Variants in SHANK2 observed in about 807,000 individuals in gnomAD.
SHANK2 encodes the protein SH3 and multiple ankyrin repeat domains 2.
A neutral mutation model predicts 133.7 loss-of-function variants in SHANK2; 43 were observed. The observed-to-expected ratio is 0.32, with a 90% CI of 0.25 to 0.41. The LOEUF is 0.41. Ranked by LOEUF, SHANK2 falls within the 10% of genes least tolerant of loss-of-function variation. The probability of loss-of-function intolerance (pLI) is 1.00; values close to 1 mark genes in which losing one functional copy is unlikely to be tolerated. For synonymous variants in SHANK2, 1,017 were observed against 952.8 expected, an observed-to-expected ratio of 1.07 and a Z score of -1.24; for missense variants, 1,994 against 2,235.8, an observed-to-expected ratio of 0.89 and a Z score of 2.18.
chr11:70,575,901 C>T (rs1476076308), intron 17 of SHANK2, among the ~76,000 whole-genome samples: 2 of 151,914 alleles, frequency 1.3e-5, no homozygotes, highest in East Asian at 1.9e-4. Flanking sequence ...GGTTTTAATT[C>T]CTTACGGCAG....
intron 3 of SHANK2, among the ~76,000 whole-genome samples, chr11:71,141,605 T>C (rs1952555706): frequency 6.6e-6 from 1 of 152,140 alleles, no homozygotes; most frequent in African/African-American, 2.4e-5. Flanking sequence ...TGTGAGTCTA[T>C]TAAACCTGTT....
chr11:70,779,783 C>A (rs931456995), intron 14 of SHANK2, among the ~76,000 whole-genome samples: 1 of 152,210 alleles, frequency 6.6e-6, no homozygotes, highest in Non-Finnish European at 1.5e-5. Flanking sequence ...AGAGGTCCTG[C>A]CTGCCACCCC....
chr11:70,742,134 C>A (rs1231819624), intron 14 of SHANK2, among the ~76,000 whole-genome samples: 1 of 152,198 alleles, frequency 6.6e-6, no homozygotes, highest in Non-Finnish European at 1.5e-5. Flanking sequence ...ACTTCCAAAC[C>A]CTGGAGGCCA....
intron 13 of SHANK2, among the ~76,000 whole-genome samples, chr11:70,801,787 TGA>T (rs1948052480): frequency 6.6e-6 from 1 of 152,110 alleles, no homozygotes; most frequent in African/African-American, 2.4e-5. Flanking sequence ...GGGTGAATTC[TGA>T]GAGTGAATTC....
At chr11:70,906,011 C>T (rs1228827007) in intron 10 of SHANK2, among the ~76,000 whole-genome samples, 2 of 152,100 alleles carry the variant, frequency 1.3e-5, no homozygotes, top group Non-Finnish European at 2.9e-5. Context: ...CAGGGTTTCA[C>T]CATGCTGGCC....
intron 14 of SHANK2, among the ~76,000 whole-genome samples, chr11:70,726,626 G>A (rs1946186584): frequency 6.6e-6 from 1 of 152,198 alleles, no homozygotes; most frequent in Admixed American, 6.5e-5. Flanking sequence ...ATTTGGGAAG[G>A]CAGGTGGGGG....
At chr11:70,852,634 G>C (rs1359867182) in intron 11 of SHANK2, among the ~76,000 whole-genome samples, 3 of 152,232 alleles carry the variant, frequency 2.0e-5, no homozygotes, top group African/African-American at 7.2e-5. Flanking sequence ...CACGAGGTCA[G>C]GAGTTCGAGA....
At chr11:70,645,159 C>T (rs528434384) in intron 17 of SHANK2, among the ~76,000 whole-genome samples, 8 of 152,132 alleles carry the variant, frequency 5.3e-5, no homozygotes, top group East Asian at 1.9e-4. Flanking sequence ...TGCAGTGGGC[C>T]GAGATCACGC....
intron 17 of SHANK2, among the ~76,000 whole-genome samples, chr11:70,560,879 G>A (rs946950322): frequency 2.0e-5 from 3 of 151,932 alleles, no homozygotes; most frequent in East Asian, 1.9e-4. Context: ...CGCCTGCCTC[G>A]GCCTCCCAAA....
intron 21 of SHANK2, among the ~76,000 whole-genome samples, 184 bp from the exon 22 acceptor site, chr11:70,492,649 C>T (rs946078168): frequency 8.5e-5 from 13 of 152,204 alleles, no homozygotes; most frequent in Non-Finnish European, 1.5e-5. Flanking sequence ...TGGGCTCCTT[C>T]CCAGGACCTT....
chr11:70,544,356 C>A (rs1000999211), intron 17 of SHANK2, among the ~76,000 whole-genome samples: 1 of 152,348 alleles, frequency 6.6e-6, no homozygotes, highest in African/African-American at 2.4e-5. Flanking sequence ...TGGAGCCCCA[C>A]GCGTAGGACC....
rs76352781 is a variant in SHANK2, at chr11:70,804,980, C to G, written c.1663+2022G>C. Among the ~76,000 whole-genome samples, 1,387 of 152,296 alleles carry G rather than the reference C, an allele frequency of 9.1e-3. 14 individuals carry two copies. Among genetic ancestry groups the G allele is most frequent in the African/African-American group, 0.031 (1,295 of 41,568 alleles). On this transcript the variant is annotated intron_variant, in intron 13 of 25. Coordinates refer to ENST00000601538, the MANE Select transcript of SHANK2 (RefSeq NM_012309.5). The surrounding 1 kb of genome is among the most constrained non-coding windows in gnomAD (Gnocchi z 4.1). ...GGGCCTCTGCTCTATGTCTAAGGGACTGGGGACATGTGCCAAGTTCACAGC... is the reference window on the plus strand; with the variant it reads ...GGGCCTCTGCTCTATGTCTAAGGGAGTGGGGACATGTGCCAAGTTCACAGC...
chr11:70,684,632 C>G (rs1165046540), intron 15 of SHANK2, among the ~76,000 whole-genome samples: 1 of 152,092 alleles, frequency 6.6e-6, no homozygotes, highest in Non-Finnish European at 1.5e-5. Flanking sequence ...ATCTCACACT[C>G]CCTTCACCCA....
intron 2 of SHANK2, among the ~76,000 whole-genome samples, chr11:71,151,244 C>A (rs1245643815): frequency 6.6e-6 from 1 of 150,984 alleles, no homozygotes; most frequent in African/African-American, 2.5e-5. Context: ...TCAGGAACCT[C>A]CCGGGGAGGC....
intron 2 of SHANK2, among the ~76,000 whole-genome samples, chr11:71,191,761 G>T (rs1434370617): frequency 6.6e-6 from 1 of 152,108 alleles, no homozygotes; most frequent in Non-Finnish European, 1.5e-5. Context: ...GTTTCACCAT[G>T]TTGGCCAGGC....
intron 14 of SHANK2, among the ~76,000 whole-genome samples, chr11:70,775,125 C>T (rs1947333805): frequency 6.6e-6 from 1 of 152,134 alleles, no homozygotes; most frequent in African/African-American, 2.4e-5. Flanking sequence ...CACCACCGCA[C>T]TCCAGTCTGG....
chr11:70,831,044 A>G (rs1309576719), intron 11 of SHANK2, among the ~76,000 whole-genome samples: 1 of 152,132 alleles, frequency 6.6e-6, no homozygotes, highest in Non-Finnish European at 1.5e-5. Flanking sequence ...TTTCAAATGG[A>G]TTTCATTCTG....
chr11:70,556,605 T>A (rs1441945070), intron 17 of SHANK2, among the ~76,000 whole-genome samples: 16 of 146,502 alleles, frequency 1.1e-4, no homozygotes, highest in Non-Finnish European at 6.0e-5. Context: ...TTTTTTTTTT[T>A]TCTTGAGACA....
At chr11:71,061,971 CT>C (rs1216736346) in intron 9 of SHANK2, among the ~76,000 whole-genome samples, 6,128 of 109,556 alleles carry the variant, frequency 0.056, 319 homozygotes, top group African/African-American at 0.17. Context: ...GTCTTTCTTT[CT>C]TTTTTTTTTT....
Sources: gnomAD v4.1 joint callset for allele counts (sites outside exome capture counted in the v4.1 genomes callset) on GRCh38, gnomAD v4.1.1 for gene constraint, Gnocchi (gnomAD v3.1) non-coding constraint, MANE v1.5 for transcripts, NCBI Gene and HGNC (gene_info 2026-07-23, HGNC 2026-07-21) for gene names.